PPP1R14D: variants seen among roughly 807,000 people sequenced by gnomAD.
PPP1R14D encodes protein phosphatase 1 regulatory inhibitor subunit 14D.
PPP1R14D carries 14 observed loss-of-function variants against 17.1 expected under a neutral mutation model. The ratio of observed to expected loss-of-function variants is 0.82; its 90% CI spans 0.54 to 1.28. The LOEUF is 1.28. Ranked by LOEUF, PPP1R14D falls within the 50% of genes most tolerant of loss-of-function variation. The probability of loss-of-function intolerance (pLI) is 0.00; values close to 1 mark genes in which losing one functional copy is unlikely to be tolerated. For synonymous variants in PPP1R14D, 67 were observed against 66.1 expected (o/e 1.01, Z -0.06); for missense variants, 173 against 179.2 (o/e 0.97, Z 0.20).
chr15:40,823,792 T>A (rs1015624501), intron 1 of PPP1R14D, among the ~76,000 whole-genome samples: 3 of 152,034 alleles, frequency 2.0e-5, no homozygotes, highest in African/African-American at 7.3e-5. Context: ...CTTAACAATG[T>A]AGCATTTCAC....
intron 1 of PPP1R14D, among the ~76,000 whole-genome samples, chr15:40,819,696 G>C (rs997353519): frequency 1.3e-5 from 2 of 151,980 alleles, no homozygotes; most frequent in Non-Finnish European, 2.9e-5. Flanking sequence ...GAGATTTTCA[G>C]TTTTTTTCTT....
At chr15:40,824,264 G>T (rs1303240583) in intron 1 of PPP1R14D, among the ~76,000 whole-genome samples, 1 of 152,020 alleles carries the variant, frequency 6.6e-6, no homozygotes, top group African/African-American at 2.4e-5. Flanking sequence ...CTCCACTAGG[G>T]AGACCAGCAA....
intron 1 of PPP1R14D, 68 bp downstream of exon 1, chr15:40,828,319 T>A: frequency 6.6e-7 from 1 of 1,507,942 alleles, no homozygotes; most frequent in Non-Finnish European, 8.9e-7. Flanking sequence ...CCAGCTCCTG[T>A]GAAGGTCTCA....
chr15:40,824,375 G>GT (rs543108490), intron 1 of PPP1R14D, among the ~76,000 whole-genome samples: 3,841 of 143,388 alleles, frequency 0.027, 126 homozygotes, highest in African/African-American at 0.078. Flanking sequence ...TGACAATACT[G>GT]TTTTTTTTTT....
chr15:40,818,949 T>A (rs1425649292), intron 1 of PPP1R14D, among the ~76,000 whole-genome samples: 1 of 152,166 alleles, frequency 6.6e-6, no homozygotes, highest in African/African-American at 2.4e-5. Flanking sequence ...GCTATACATA[T>A]GTGGCGGCAG....
chr15:40,827,663 G>C (rs761366824), intron 1 of PPP1R14D, among the ~76,000 whole-genome samples: 1 of 152,158 alleles, frequency 6.6e-6, no homozygotes, highest in Non-Finnish European at 1.5e-5. Context: ...GTGCACACCT[G>C]TAATCCCAGC....
At chr15:40,823,654 C>G (rs796420633) in intron 1 of PPP1R14D, among the ~76,000 whole-genome samples, 9 of 152,252 alleles carry the variant, frequency 5.9e-5, no homozygotes, top group African/African-American at 2.2e-4. Context: ...GTATTCAGTA[C>G]AGTAAACTGC....
chr15:40,819,092 C>A (rs988175154), intron 1 of PPP1R14D, among the ~76,000 whole-genome samples: 8 of 152,168 alleles, frequency 5.3e-5, no homozygotes, highest in African/African-American at 1.7e-4. Flanking sequence ...ACTGCTTCAA[C>A]AAGGACATTC....
At chr15:40,821,942 A>G (rs139410819) in intron 1 of PPP1R14D, among the ~76,000 whole-genome samples, 48 of 152,056 alleles carry the variant, frequency 3.2e-4, no homozygotes, top group African/African-American at 1.0e-3. Context: ...ACAAACAAAC[A>G]AACAAAACAC....
intron 1 of PPP1R14D, among the ~76,000 whole-genome samples, chr15:40,826,765 C>G (rs773209031): frequency 4.6e-5 from 7 of 152,100 alleles, no homozygotes; most frequent in Non-Finnish European, 1.0e-4. Context: ...CCCAGGAGTT[C>G]AAGACCAACC....
chr15:40,815,857 A>C, intron 3 of PPP1R14D, 96 bp from the exon 4 acceptor site: 2 of 1,528,572 alleles, frequency 1.3e-6, no homozygotes, highest in South Asian at 2.4e-5. Context: ...TCCCCAGAGA[A>C]GGGAGAAGGA....
chr15:40,818,961 G>C lies in PPP1R14D; in HGVS notation c.256-2708C>G, dbSNP rs896648727. 9.9e-5 allele frequency among the ~76,000 whole-genome samples: 15 copies of C among 152,240 alleles called. No individual in the cohort carries two copies. In the East Asian group the frequency reaches 2.5e-3, roughly 25 times the overall value. ...GAAGCTATACATATGTGGCGGCAGG[G>C]AGATATGGGAAATATCTTTTACCTT... On this transcript the variant is annotated intron_variant, in intron 1 of 3. Coordinates refer to ENST00000299174, the MANE Select transcript of PPP1R14D (RefSeq NM_017726.8).
In PPP1R14D at chr15:40,828,562, G is replaced by A. The variant is rs1219987520; in HGVS notation, c.80C>T (p.Ser27Phe). 6.2e-7 allele frequency: 1 copy of A among 1,614,234 alleles called. No individual in the cohort carries two copies. The highest frequency in any genetic ancestry group is 1.1e-5 in the South Asian group (1 of 91,086). Residue 27 changes from serine to phenylalanine, a missense_variant, in exon 1 of 4, where the codon TCT becomes TTT. Coordinates refer to ENST00000299174, the MANE Select transcript of PPP1R14D (RefSeq NM_017726.8). ...TGTGGATGATGTCCTTCTCCTCCCAGAAGCCCAGTGGACCTTCTTACATGG... is the reference window on the plus strand; with the variant it reads ...TGTGGATGATGTCCTTCTCCTCCCAAAAGCCCAGTGGACCTTCTTACATGG... ...ENPCKKVHWA[S>F]GRRRTSSTDS... is the part of the protein sequence containing the mutation.
chr15:40,827,724 C>T (rs1359230782), intron 1 of PPP1R14D, among the ~76,000 whole-genome samples: 2 of 151,908 alleles, frequency 1.3e-5, no homozygotes, highest in African/African-American at 2.4e-5. Flanking sequence ...AGTTCAAGAC[C>T]AGCCTGGGCA....
At chr15:40,816,580 G>T (rs1890671062) in intron 1 of PPP1R14D, among the ~76,000 whole-genome samples, 1 of 151,746 alleles carries the variant, frequency 6.6e-6, no homozygotes, top group African/African-American at 2.4e-5. Flanking sequence ...GGGCATGGTG[G>T]TGGACGCCTG....
At chr15:40,818,895 A>C (rs774741519) in intron 1 of PPP1R14D, among the ~76,000 whole-genome samples, 8 of 152,204 alleles carry the variant, frequency 5.3e-5, no homozygotes, top group Non-Finnish European at 1.0e-4. Flanking sequence ...TGATTGTAAC[A>C]AATAATATAT....
chr15:40,815,853 G>T, intron 3 of PPP1R14D, 92 bp from the exon 4 acceptor site: 1 of 1,099,160 alleles, frequency 9.1e-7, no homozygotes, highest in Non-Finnish European at 1.3e-6. Context: ...TGACTCCCCA[G>T]AGAAGGGAGA....
In PPP1R14D at chr15:40,828,695, C is replaced by T. The variant is rs1190900292; in HGVS notation, c.-54G>A. 2.6e-6 allele frequency: 4 copies of T among 1,537,896 alleles called. No individual in the cohort carries two copies. Among genetic ancestry groups the T allele is most frequent in the African/African-American group, 1.4e-5 (1 of 72,612 alleles). ...GAAAAACCGCCAGTTCTGAGCAGAG[C>T]CACAGAGGGAAGTGAGGAGACAGAG... On this transcript the variant is annotated 5_prime_UTR_variant, in exon 1 of 4. Transcript: ENST00000299174.
At chr15:40,824,383 T>C (rs1401200758) in intron 1 of PPP1R14D, among the ~76,000 whole-genome samples, 1 of 152,106 alleles carries the variant, frequency 6.6e-6, no homozygotes, top group Non-Finnish European at 1.5e-5. Context: ...CTGTTTTTTT[T>C]TTTTTGAGAT....
Sources: gnomAD v4.1 joint callset for allele counts (sites outside exome capture counted in the v4.1 genomes callset) on GRCh38, gnomAD v4.1.1 for gene constraint, MANE v1.5 for transcripts, NCBI Gene and HGNC (gene_info 2026-07-23, HGNC 2026-07-21) for gene names.